PTPN13: variants seen among roughly 807,000 people sequenced by gnomAD.
PTPN13 encodes the protein protein tyrosine phosphatase non-receptor type 13, also known as tyrosine-protein phosphatase non-receptor type 13.
A neutral mutation model predicts 284.0 loss-of-function variants in PTPN13; 191 were observed. The ratio of observed to expected loss-of-function variants is 0.67; its 90% CI spans 0.60 to 0.76. The LOEUF is 0.76. Ranked by LOEUF, PTPN13 falls within the 30% of genes least tolerant of loss-of-function variation. The pLI, the probability that PTPN13 is intolerant of heterozygous loss-of-function variation, is 0.00. For missense variants in PTPN13, 2,797 were observed against 2,939.9 expected (o/e 0.95, Z 1.12); for synonymous variants, 986 against 1,022.3 (o/e 0.96, Z 0.68).
chr4:86,642,803 CAT>C (rs1167439589), intron 2 of PTPN13, among the ~76,000 whole-genome samples: 2 of 152,056 alleles, frequency 1.3e-5, no homozygotes, highest in Admixed American at 6.6e-5. Flanking sequence ...GTCAGAAAAA[CAT>C]ATATACATTT....
In PTPN13 at chr4:86,718,915, A is replaced by G. The variant is rs373830647; in HGVS notation, c.1385+1798A>G. Reference sequence around the variant, plus strand: ...ATTACTGTGTCCTTGTGATGACCCCATTTTGATACTTTTGAACAAAGAGGT... The same window carrying G: ...ATTACTGTGTCCTTGTGATGACCCCGTTTTGATACTTTTGAACAAAGAGGT... On this transcript the variant is annotated intron_variant, in intron 9 of 47. Coordinates refer to ENST00000411767, the MANE Select transcript of PTPN13 (RefSeq NM_080683.3). Among the ~76,000 whole-genome samples the G allele has an allele frequency of 2.0e-5, 3 of 152,208 alleles. No individual in the cohort carries two copies. In the East Asian group the frequency reaches 5.8e-4, roughly 29 times the overall value.
intron 7 of PTPN13, among the ~76,000 whole-genome samples, chr4:86,709,799 A>G (rs1023071239): frequency 2.6e-5 from 4 of 152,154 alleles, no homozygotes; most frequent in Non-Finnish European, 4.4e-5. Flanking sequence ...CAAGACCCCC[A>G]TAGAAGGAGG....
At chr4:86,741,556 A>T (rs1736173288) in intron 15 of PTPN13, 78 bp from the exon 16 acceptor site, 4 of 1,339,602 alleles carry the variant, frequency 3.0e-6, no homozygotes, top group Non-Finnish European at 4.1e-6. Context: ...ACACGGCCAA[A>T]CCATATCATA....
intron 1 of PTPN13, among the ~76,000 whole-genome samples, chr4:86,627,508 GT>G (rs35106750): frequency 0.22 from 32,415 of 147,326 alleles, 3,675 homozygotes; most frequent in East Asian, 0.3. Flanking sequence ...TTAGTTTTTG[GT>G]TTTTTTTTTT....
rs909866270 is a variant in PTPN13 at position 86,771,499 on chromosome 4, C to T, written c.5132C>T (p.Pro1711Leu). Reference protein sequence around the residue: ...EDTICTMFYYPQKIPNKPEFE... With the variant: ...EDTICTMFYYLQKIPNKPEFE... ...ACCATTTGTACCATGTTTTACTATC[C>T]TCAGAAAATTCCCAATAAACCAGAG... Residue 1711 changes from proline (P) to leucine (L), a missense_variant, in exon 31 of 48, where the codon CCT becomes CTT. Transcript: ENST00000411767. The T allele has an allele frequency of 6.4e-7, 1 of 1,569,556 alleles. No individual in the cohort carries two copies. The highest frequency in any genetic ancestry group is 1.3e-5 in the African/African-American group (1 of 74,194).
At chr4:86,603,193 TG>T (rs1413839059) in intron 1 of PTPN13, among the ~76,000 whole-genome samples, 21 of 152,126 alleles carry the variant, frequency 1.4e-4, no homozygotes, top group Non-Finnish European at 1.0e-4. Flanking sequence ...AAATGAAAAA[TG>T]GAGTATAAAG....
intron 19 of PTPN13, among the ~76,000 whole-genome samples, chr4:86,751,631 C>A (rs959752849): frequency 6.6e-6 from 1 of 152,122 alleles, no homozygotes; most frequent in Non-Finnish European, 1.5e-5. Flanking sequence ...GTTAGCTTCT[C>A]TTGGTCACAG....
chr4:86,778,357 G>T (rs181652855), intron 35 of PTPN13, among the ~76,000 whole-genome samples: 3 of 152,306 alleles, frequency 2.0e-5, no homozygotes, highest in East Asian at 3.9e-4. Context: ...AGAGATAAAA[G>T]ACTATTACTA....
At chr4:86,777,741 T>C (rs1431780443) in intron 35 of PTPN13, among the ~76,000 whole-genome samples, 2 of 152,204 alleles carry the variant, frequency 1.3e-5, no homozygotes, top group African/African-American at 4.8e-5. Flanking sequence ...GCTTATTTAT[T>C]CCTTCTGAAC....
At chr4:86,805,072 G>A (rs1295892572) in intron 43 of PTPN13, among the ~76,000 whole-genome samples, 1 of 152,076 alleles carries the variant, frequency 6.6e-6, no homozygotes, top group African/African-American at 2.4e-5. Context: ...TGACTACAAC[G>A]TGTTCAATTA....
At chr4:86,791,620 A>G (rs1023444042) in intron 40 of PTPN13, among the ~76,000 whole-genome samples, 1 of 152,186 alleles carries the variant, frequency 6.6e-6, no homozygotes, top group African/African-American at 2.4e-5. Flanking sequence ...GACACCTCAA[A>G]CAGGCGGGTG....
rs1739999239 is a variant in PTPN13, at chr4:86,771,531, G to A, written c.5164G>A (p.Asp1722Asn). 1 of 1,570,750 alleles carries A rather than the reference G, an allele frequency of 6.4e-7. No individual in the cohort carries two copies. The change falls in exon 31 of 48, where the codon GAC becomes AAC. Residue 1722 changes from aspartate (D) to asparagine (N), a missense_variant. Physicochemically the swap from Asp to Asn is conservative, Grantham distance 23 (BLOSUM62 1). Transcript: ENST00000411767. ...QKIPNKPEFE[D>N]SNPSPLPPDM... ...AATTCCCAATAAACCAGAGTTTGAG[G>A]ACAGGTATCATCAATATAATGTGAA...
intron 1 of PTPN13, among the ~76,000 whole-genome samples, chr4:86,612,551 A>G (rs895735689): frequency 3.4e-4 from 52 of 152,186 alleles, no homozygotes; most frequent in African/African-American, 1.1e-3. Context: ...TTTGATGAAA[A>G]CTATAAACCC....
At chr4:86,664,611 G>A (rs987565804) in intron 2 of PTPN13, among the ~76,000 whole-genome samples, 2 of 152,068 alleles carry the variant, frequency 1.3e-5, no homozygotes, top group Non-Finnish European at 2.9e-5. Context: ...CACTTTTATT[G>A]TAGAAGAAAT....
At chr4:86,668,873 C>T (rs1177158859) in intron 2 of PTPN13, among the ~76,000 whole-genome samples, 2 of 150,452 alleles carry the variant, frequency 1.3e-5, no homozygotes, top group Admixed American at 1.3e-4. Flanking sequence ...TCCCAAAGTG[C>T]TGGGATTACA....
chr4:86,621,153 A>T (rs574265148), intron 1 of PTPN13, among the ~76,000 whole-genome samples: 2 of 152,318 alleles, frequency 1.3e-5, no homozygotes, highest in East Asian at 3.9e-4. Context: ...ACACGTGGGG[A>T]TCACACTGCA....
At chr4:86,803,933 C>A in intron 43 of PTPN13, 76 bp downstream of exon 43, 2 of 1,478,332 alleles carry the variant, frequency 1.4e-6, no homozygotes, top group South Asian at 1.3e-5. Context: ...CTTTACTGGC[C>A]CAAGATTAGA....
chr4:86,678,015 T>C (rs1728486698), intron 3 of PTPN13, among the ~76,000 whole-genome samples: 1 of 152,136 alleles, frequency 6.6e-6, no homozygotes, highest in African/African-American at 2.4e-5. Context: ...CATGTTTTGG[T>C]TTGCAATAAA....
intron 11 of PTPN13, 21 bp downstream of exon 11, chr4:86,732,495 G>A (rs999916099): frequency 1.3e-6 from 2 of 1,593,774 alleles, no homozygotes; most frequent in Non-Finnish European, 1.7e-6. Flanking sequence ...AAACCAATTT[G>A]TGTCACTCTT....
Sources: allele counts gnomAD v4.1 joint callset (sites outside exome capture counted in the v4.1 genomes callset), GRCh38; gene constraint gnomAD v4.1.1; transcripts MANE v1.5; gene names NCBI Gene and HGNC (gene_info 2026-07-23, HGNC 2026-07-21).